The following EPG5 variants were observed in gnomAD, a reference collection of about 807,000 sequenced individuals.
EPG5 encodes ectopic P-granules 5 autophagy tethering factor, also known as ectopic P granules protein 5 homolog.
A neutral mutation model predicts 302.7 loss-of-function variants in EPG5; 159 were observed. The ratio of observed to expected loss-of-function variants is 0.53; its 90% CI spans 0.46 to 0.60. The LOEUF is 0.60. Ranked by LOEUF, EPG5 falls within the 20% of genes least tolerant of loss-of-function variation. The pLI, the probability that EPG5 is intolerant of heterozygous loss-of-function variation, is 0.00. For synonymous variants in EPG5, 1,158 were observed against 1,136.8 expected, an observed-to-expected ratio of 1.02 and a Z score of -0.37; for missense variants, 2,896 against 3,092.4, an observed-to-expected ratio of 0.94 and a Z score of 1.51.
chr18:45,841,727 G>A, the EPG5 span, among the ~76,000 whole-genome samples: 4 of 152,192 alleles, frequency 2.6e-5, no homozygotes, highest in South Asian at 6.2e-4. Flanking sequence ...AGTGGGGCGG[G>A]TGTGAGGGTC....
chr18:45,853,418 A>G (rs1054062997), intron 43 of EPG5, among the ~76,000 whole-genome samples: 1 of 152,156 alleles, frequency 6.6e-6, no homozygotes, highest in Admixed American at 6.5e-5. Context: ...AGGGGAAGAG[A>G]CTGTATATGG....
chr18:45,916,690 C>G, intron 17 of EPG5, 108 bp from the exon 18 acceptor site: 2 of 1,176,884 alleles, frequency 1.7e-6, no homozygotes, highest in Non-Finnish European at 2.3e-6. Context: ...TCCCATTTTT[C>G]GACCAAAGCA....
intron 10 of EPG5, among the ~76,000 whole-genome samples, chr18:45,935,781 G>A (rs2050510104): frequency 1.3e-5 from 2 of 152,076 alleles, no homozygotes; most frequent in Admixed American, 6.5e-5. Context: ...AAATTCCTCA[G>A]CCCACATTCA....
chr18:45,865,745 T>C lies in EPG5; in HGVS notation c.6636A>G (p.Lys2212=). ...DSQKHLDAVP[K]CQAFTHQMVQ... ...CCATCTGATGAGTAAAAGCTTGGCA[T>C]TTTGGAACTGCATCCTGACCAAAAA... Residue 2212 remains lysine (K), a synonymous_variant, in exon 39 of 44, where the codon AAA becomes AAG. Coordinates refer to ENST00000282041, the MANE Select transcript of EPG5 (RefSeq NM_020964.3). 1 of 1,605,516 alleles carries C rather than the reference T, an allele frequency of 6.2e-7. No homozygotes were observed.
rs1370550072 is a variant in EPG5, at chr18:45,955,053, C to T, written c.349G>A (p.Ala117Thr). Residue 117 changes from alanine (A) to threonine (T), a missense_variant, in exon 2 of 44, where the codon GCA (alanine) becomes ACA (threonine). Ala to Thr is a moderately conservative substitution (Grantham distance 58, BLOSUM62 0). Coordinates refer to ENST00000282041, the MANE Select transcript of EPG5 (RefSeq NM_020964.3). Reference sequence around the variant, plus strand: ...CCAGGGTGGACCTTTGGAGTGACTGCACTGTCCCCCACACAGGGTCTGGCC... The same window carrying T: ...CCAGGGTGGACCTTTGGAGTGACTGTACTGTCCCCCACACAGGGTCTGGCC... ...GEARPCVGDSAVTPKVHPGDN... is the reference protein window; with the variant it reads ...GEARPCVGDSTVTPKVHPGDN... 1.9e-6 allele frequency: 3 copies of T among 1,613,986 alleles called. No individual in the cohort carries two copies. The highest frequency in any genetic ancestry group is 2.2e-5 in the East Asian group (1 of 44,896).
chr18:45,858,023 G>T lies in EPG5; in HGVS notation c.7272C>A (p.Val2424=), dbSNP rs754150124. 1.9e-6 allele frequency: 3 copies of T among 1,613,754 alleles called. No homozygotes were observed. The highest frequency in any genetic ancestry group is 2.5e-6 in the Non-Finnish European group (3 of 1,179,958). ...CTGTCTGAATGAGGGAGAGCTGAAG[G>T]ACTTGGTGCCACCACAAAAACAGCT... ...EAKLFLWWHQ[V]LQLSLIQTEQ... is the part of the protein sequence containing the mutation. The change falls in exon 42 of 44, where the codon GTC becomes GTA. Residue 2424 remains valine, a synonymous_variant. Coordinates refer to ENST00000282041, the MANE Select transcript of EPG5 (RefSeq NM_020964.3).
At chr18:45,880,347 C>G in intron 31 of EPG5, 124 bp from the exon 32 acceptor site, 1 of 946,000 alleles carries the variant, frequency 1.1e-6, no homozygotes, top group Non-Finnish European at 1.5e-6. Context: ...AACAAACTCA[C>G]AGGGATATCT....
At position 45,858,076 on chromosome 18, in the gene EPG5, A is replaced by G; in HGVS notation, c.7227-8T>C. The G allele has an allele frequency of 1.2e-6, 2 of 1,600,720 alleles. No individual in the cohort carries two copies. The highest frequency in any genetic ancestry group is 2.2e-5 in the East Asian group (1 of 44,648). On this transcript the variant is annotated splice_polypyrimidine_tract_variant and splice_region_variant and intron_variant, in intron 41 of 43. Transcript: ENST00000282041. The stretch of plus-strand genomic sequence containing the variant: ...GCCTCTTCCTCCACGGAGCTAGGGG[A>G]GGCACCGGAGGAAAATAAAATTAGA...
At chr18:45,847,510 T>C (rs1374080934), downstream of EPG5, 1 of 152,214 alleles carries the variant, frequency 6.6e-6, no homozygotes, top group Non-Finnish European at 1.5e-5. Flanking sequence ...ATTCTATCCA[T>C]TACGAAGTTT....
At chr18:45,871,156 T>C (rs1279761453) in intron 35 of EPG5, among the ~76,000 whole-genome samples, 1 of 152,190 alleles carries the variant, frequency 6.6e-6, no homozygotes, top group Non-Finnish European at 1.5e-5. Flanking sequence ...GGCATACAAA[T>C]AGCCAATAGG....
chr18:45,802,133 C>T, the EPG5 span, among the ~76,000 whole-genome samples: 1 of 152,090 alleles, frequency 6.6e-6, no homozygotes, highest in Non-Finnish European at 1.5e-5. Context: ...ATGGAGTGGC[C>T]CTTCCTTGGA....
chr18:45,864,916 G>A (rs1404920101), intron 39 of EPG5, among the ~76,000 whole-genome samples: 1 of 152,230 alleles, frequency 6.6e-6, no homozygotes, highest in Admixed American at 6.5e-5. Flanking sequence ...TCTCACAAGA[G>A]GAGGTTTACT....
At chr18:45,887,672 A>G in intron 29 of EPG5, 79 bp downstream of exon 29, 1 of 1,251,480 alleles carries the variant, frequency 8.0e-7, no homozygotes, top group African/African-American at 1.5e-5. Context: ...GTCTGAAGTC[A>G]ATGCTGACTA....
chr18:45,883,012 C>CAAAAA (rs35030980), intron 30 of EPG5, among the ~76,000 whole-genome samples: 3,156 of 87,228 alleles, frequency 0.036, 100 homozygotes, highest in African/African-American at 0.11. Context: ...CGTCTCACAA[C>CAAAAA]AAAAAAAAAA....
rs747525438 is a variant in EPG5, at chr18:45,867,607, T to A, written c.6367A>T (p.Met2123Leu). ...TRSMIVCLLF[M>L]MILLAKEVQL... The stretch of plus-strand genomic sequence containing the variant: ...ACTTCCTTTGCCAATAAAATCATCA[T>A]GAAAAGGAGGCAGACAATCATGCTG... The change falls in exon 37 of 44, where the codon ATG becomes TTG. Residue 2123 changes from methionine (M) to leucine (L), a missense_variant. Transcript: ENST00000282041. 1 of 1,613,994 alleles carries A rather than the reference T, an allele frequency of 6.2e-7. No homozygotes were observed. The highest frequency in any genetic ancestry group is 8.5e-7 in the Non-Finnish European group (1 of 1,180,004).
At chr18:45,803,053 C>T in the EPG5 span, among the ~76,000 whole-genome samples, 1 of 152,164 alleles carries the variant, frequency 6.6e-6, no homozygotes, top group African/African-American at 2.4e-5. Flanking sequence ...GGTGGAGGTG[C>T]TTGTCTATAG....
chr18:45,912,181 C>A, intron 22 of EPG5, 109 bp downstream of exon 22: 2 of 1,028,922 alleles, frequency 1.9e-6, no homozygotes, highest in Non-Finnish European at 2.7e-6. Context: ...CACCAGAGAT[C>A]ACCAAAGAAT....
chr18:45,818,924 G>T, the EPG5 span, among the ~76,000 whole-genome samples: 1 of 151,938 alleles, frequency 6.6e-6, no homozygotes, highest in East Asian at 1.9e-4. Context: ...AGTAGGGATG[G>T]GGTTTCACCA....
intron 6 of EPG5, among the ~76,000 whole-genome samples, chr18:45,947,605 C>T (rs2050812920): frequency 6.6e-6 from 1 of 151,950 alleles, no homozygotes. Flanking sequence ...TCCAACCCAC[C>T]CGAGTTCTTC....
Sources: allele counts gnomAD v4.1 joint callset (sites outside exome capture counted in the v4.1 genomes callset), GRCh38; gene constraint gnomAD v4.1.1; transcripts MANE v1.5; gene names NCBI Gene and HGNC (gene_info 2026-07-23, HGNC 2026-07-21).